ZNF687: variants seen among roughly 807,000 people sequenced by gnomAD.
ZNF687 encodes the protein zinc finger protein 687.
A neutral mutation model predicts 71.8 loss-of-function variants in ZNF687; 13 were observed. The observed-to-expected ratio is 0.18, with a 90% CI of 0.12 to 0.29. The LOEUF is 0.29. ZNF687 is among the 10% of genes least tolerant of loss of function. The probability of loss-of-function intolerance (pLI) is 1.00; values close to 1 mark genes in which losing one functional copy is unlikely to be tolerated. For missense variants in ZNF687, 1,412 were observed against 1,625.6 expected, an observed-to-expected ratio of 0.87 and a Z score of 2.26; for synonymous variants, 673 against 641.6, an observed-to-expected ratio of 1.05 and a Z score of -0.74.
chr1:151,287,574 G>T lies in ZNF687; in HGVS notation c.1283G>T (p.Gly428Val). Residue 428 changes from glycine (G) to valine (V), a missense_variant, in exon 2 of 9, where the codon GGG (glycine) becomes GTG (valine). Physicochemically the swap from Gly to Val is moderately radical, Grantham distance 109. Coordinates refer to ENST00000336715, the MANE Select transcript of ZNF687 (RefSeq NM_020832.3). This position sits in a 1 kb window ranked among gnomAD's most constrained non-coding sequence, Gnocchi z 5.0. ...GCTCGCAAGGCTGTGGTGCTGCCTG[G>T]GGGGACTGCCACCAGCCCTAAGATG... is the stretch of plus-strand genomic sequence containing the variant. ...SVARKAVVLP[G>V]GTATSPKMIA... 1 of 1,614,000 alleles carries T rather than the reference G, an allele frequency of 6.2e-7. No homozygotes were observed. Among genetic ancestry groups the T allele is most frequent in the East Asian group, 2.2e-5 (1 of 44,866 alleles).
chr1:151,289,521 C>T lies in ZNF687; in HGVS notation c.2615C>T (p.Thr872Ile). ...CCTCTGCTCTTTGCCCAAAAAAGGA[C>T]CATGCTGGAACATCTCAAGGTACAG... ...SCPLLFAQKR[T>I]MLEHLKNTHQ... The change falls in exon 5 of 9, where the codon ACC (threonine) becomes ATC (isoleucine). Residue 872 changes from threonine (T) to isoleucine (I), a missense_variant. Physicochemically the swap from Thr to Ile is moderately conservative, Grantham distance 89. Transcript: ENST00000336715. 1.2e-6 allele frequency: 2 copies of T among 1,614,094 alleles called. No homozygotes were observed. Among genetic ancestry groups the T allele is most frequent in the Non-Finnish European group, 1.7e-6 (2 of 1,180,046 alleles).
At chr1:151,283,409 G>A (rs1693810528) in intron 1 of ZNF687, 2 of 663,952 alleles carry the variant, frequency 3.0e-6, no homozygotes, top group African/African-American at 3.9e-5. Context: ...GAAAGGGGGC[G>A]GGGGAGATAG....
rs1315451668 is a variant in ZNF687 at position 151,290,902 on chromosome 1, A to G, written c.3407A>G (p.Gln1136Arg). The G allele has an allele frequency of 6.2e-7, 1 of 1,613,926 alleles. No homozygotes were observed. The highest frequency in any genetic ancestry group is 1.3e-5 in the African/African-American group (1 of 74,912). Residue 1136 changes from glutamine to arginine, a missense_variant, in exon 9 of 9, where the codon CAG becomes CGG. Around this residue, in one of 8 missense-constraint regions of ZNF687, gnomAD observed 284 missense variants for 359.2 expected, o/e 0.79. Transcript: ENST00000336715. Reference sequence around the variant, plus strand: ...TTGAGGGTGGAGGATGGTGCCCAGCAGTGCCTCGACTGTGGCTTGTGCTTT... The same window carrying G: ...TTGAGGGTGGAGGATGGTGCCCAGCGGTGCCTCGACTGTGGCTTGTGCTTT... ...MGLRVEDGAQ[Q>R]CLDCGLCFAS...
At chr1:151,283,647 G>A (rs1466736532) in intron 1 of ZNF687, among the ~76,000 whole-genome samples, 1 of 152,202 alleles carries the variant, frequency 6.6e-6, no homozygotes, top group East Asian at 1.9e-4. Flanking sequence ...CCACTTTTCT[G>A]AGTACCTGAG....
At chr1:151,290,332 G>A (rs748848156) in intron 7 of ZNF687, 98 bp downstream of exon 7, 1 of 1,609,792 alleles carries the variant, frequency 6.2e-7, no homozygotes, top group Non-Finnish European at 8.5e-7. Context: ...GTGGCCTGAT[G>A]GTTGGGGTCT....
Position 151,289,778 on chromosome 1 carries a change from A to T in ZNF687, c.2735A>T (p.Gln912Leu). 1 of 1,561,784 alleles carries T rather than the reference A, an allele frequency of 6.4e-7. No individual in the cohort carries two copies. Among genetic ancestry groups the T allele is most frequent in the Non-Finnish European group, 8.7e-7 (1 of 1,152,416 alleles). The change falls in exon 6 of 9, where the codon CAG becomes CTG. Residue 912 changes from glutamine (Q) to leucine (L), a missense_variant. Gln to Leu is a moderately radical substitution (Grantham distance 113). Around this residue, in one of 8 missense-constraint regions of ZNF687, gnomAD observed 135 missense variants for 104.1 expected, o/e 1.30. Transcript: ENST00000336715. ...GAGCCTGAGGAGCTGGCTGTTTCTC[A>T]GGGAGGGGCAGCCCCTGCTACTGAG... is the stretch of plus-strand genomic sequence containing the variant. ...KTEPEELAVS[Q>L]GGAAPATEES... is the part of the protein sequence containing the mutation.
In ZNF687 at chr1:151,287,135, C is replaced by CAGCCCTTGA; in HGVS notation, c.847_855dup (p.Pro283_Lys285dup). On this transcript the variant is annotated inframe_insertion, in exon 2 of 9. Coordinates refer to ENST00000336715, the MANE Select transcript of ZNF687 (RefSeq NM_020832.3). The surrounding 1 kb of genome is among the most constrained non-coding windows in gnomAD (Gnocchi z 5.0). The stretch of plus-strand genomic sequence containing the variant: ...TGCCTCCCCCAAAGTGCCCGTCTGT[C>CAGCCCTTGA]AGCCCTTGAAGGAAGAAGATGATGA... 1.2e-6 allele frequency: 2 copies of CAGCCCTTGA among 1,614,162 alleles called. No homozygotes were observed. Among genetic ancestry groups the CAGCCCTTGA allele is most frequent in the Non-Finnish European group, 1.7e-6 (2 of 1,180,016 alleles).
intron 1 of ZNF687, 55 bp downstream of exon 1, chr1:151,282,450 G>A (rs1052049573): frequency 2.0e-6 from 2 of 975,796 alleles, no homozygotes; most frequent in African/African-American, 3.5e-5. Flanking sequence ...TGGGGGGGGC[G>A]GGTAAATACC....
Position 151,291,219 on chromosome 1 carries a change from C to A in ZNF687, c.*10C>A. ...TGTTGGGGACAACTAGTCTCCAAGG[C>A]CTGGGACTGACCAGCCCCTTCCTCT... On this transcript the variant is annotated 3_prime_UTR_variant, in exon 9 of 9. Transcript: ENST00000336715. 6.3e-7 allele frequency: 1 copy of A among 1,598,250 alleles called. No homozygotes were observed. Among genetic ancestry groups the A allele is most frequent in the Non-Finnish European group, 8.5e-7 (1 of 1,170,302 alleles).
intron 1 of ZNF687, chr1:151,283,044 G>C: frequency 2.2e-6 from 2 of 924,384 alleles, no homozygotes; most frequent in South Asian, 1.0e-4. Flanking sequence ...GTCCCCAGGT[G>C]CTGCGCAGCA....
chr1:151,285,267 C>T (rs1255659317), intron 1 of ZNF687: 4 of 152,210 alleles, frequency 2.6e-5, no homozygotes, highest in Non-Finnish European at 5.9e-5. Context: ...TCCATGCGGA[C>T]ATGAATGAGT....
Position 151,289,728 on chromosome 1 carries a change from G to C in ZNF687, c.2685G>C (p.Gly895=). ...AGGAGACTGCTGGGAAAGGGGCCGG[G>C]GGTGCCCTGCTGACCCCCAAGACTG... ...RLEETAGKGA[G]GALLTPKTEP... Residue 895 remains glycine (G), a synonymous_variant, in exon 6 of 9, where the codon GGG becomes GGC. Coordinates refer to ENST00000336715, the MANE Select transcript of ZNF687 (RefSeq NM_020832.3). The C allele has an allele frequency of 6.4e-7, 1 of 1,560,154 alleles. No homozygotes were observed. The highest frequency in any genetic ancestry group is 1.2e-5 in the South Asian group (1 of 85,398).
chr1:151,286,552 G>T lies in ZNF687; in HGVS notation c.261G>T (p.Lys87Asn). 1 of 1,614,220 alleles carries T rather than the reference G, an allele frequency of 6.2e-7. No homozygotes were observed. The highest frequency in any genetic ancestry group is 8.5e-7 in the Non-Finnish European group (1 of 1,180,036). ...TTTCTGTAGTCAGTGTCATTGTCAA[G>T]AACACTGTGTGTCCCGAGCAGTCTG... ...PDISVVSVIV[K>N]NTVCPEQSEA... The change falls in exon 2 of 9, where the codon AAG becomes AAT. Residue 87 changes from lysine to asparagine, a missense_variant. Lys to Asn is a moderately conservative substitution (Grantham distance 94). Around this residue, in one of 8 missense-constraint regions of ZNF687, gnomAD observed 490 missense variants for 489.9 expected, o/e 1.00. Transcript: ENST00000336715.
rs777320654 is a variant in ZNF687 at position 151,287,453 on chromosome 1, G to A, written c.1162G>A (p.Val388Ile). The A allele has an allele frequency of 6.8e-6, 11 of 1,614,056 alleles. No homozygotes were observed. In the East Asian group the frequency reaches 1.1e-4, roughly 16 times the overall value. Residue 388 changes from valine (V) to isoleucine (I), a missense_variant, in exon 2 of 9, where the codon GTA becomes ATA. By Grantham distance (29) the Val-to-Ile change is conservative (BLOSUM62 3). Coordinates refer to ENST00000336715, the MANE Select transcript of ZNF687 (RefSeq NM_020832.3). The surrounding 1 kb of genome is among the most constrained non-coding windows in gnomAD (Gnocchi z 5.0). ...PTSEGPKVVS[V>I]QLGDGTRLKG... is the part of the protein sequence containing the mutation. ...TTCTGAGGGTCCAAAGGTGGTGAGC[G>A]TACAGTTGGGTGATGGTACAAGGCT...
intron 1 of ZNF687, chr1:151,284,345 A>T: frequency 2.3e-6 from 2 of 859,486 alleles, no homozygotes; most frequent in Non-Finnish European, 2.8e-6. Context: ...GGGGAGGGCC[A>T]GGCACTCTGG....
At position 151,290,230 on chromosome 1, in the gene ZNF687, T is replaced by C; in HGVS notation, c.3073T>C (p.Cys1025Arg). 6.2e-7 allele frequency: 1 copy of C among 1,613,936 alleles called. No homozygotes were observed. The part of the protein sequence containing the change: ...NHEGIKRVYP[C>R]RYCTEGKRTF... ...CGAGGGCATCAAGCGAGTTTACCCC[T>C]GCAGGTAAGTCTTGCTCCCCGCTTC... Residue 1025 changes from cysteine to arginine, a missense_variant, in exon 7 of 9, where the codon TGC becomes CGC. Around this residue, in one of 8 missense-constraint regions of ZNF687, gnomAD observed 284 missense variants for 359.2 expected, o/e 0.79. Transcript: ENST00000336715.
rs1340669134 is a variant in ZNF687 at position 151,291,533 on chromosome 1, T to A, written c.*324T>A. On this transcript the variant is annotated 3_prime_UTR_variant, in exon 9 of 9. Coordinates refer to ENST00000336715, the MANE Select transcript of ZNF687 (RefSeq NM_020832.3). ...ACTTAGGTATGCCTGCTAGACAGGT[T>A]CAGGGAAGGACTGATGGGGGTGTCA... 3.7e-6 allele frequency: 1 copy of A among 270,286 alleles called. No homozygotes were observed. Among genetic ancestry groups the A allele is most frequent in the Non-Finnish European group, 7.1e-6 (1 of 140,622 alleles). 16.7% of individuals were successfully genotyped at this position (270,286 alleles called of 1,614,324 possible).
upstream of ZNF687, chr1:151,282,242 C>T (rs1007777040): frequency 1.5e-5 from 15 of 1,022,404 alleles, no homozygotes; most frequent in Middle Eastern, 1.1e-3. Context: ...AACGGGCAGC[C>T]CAGACCTGGA....
chr1:151,287,259 G>C lies in ZNF687; in HGVS notation c.968G>C (p.Ser323Thr), dbSNP rs1485981213. Residue 323 changes from serine (S) to threonine (T), a missense_variant, in exon 2 of 9, where the codon AGC (serine) becomes ACC (threonine). This residue lies in a region of ZNF687 where 490 missense variants were observed against 489.9 expected (regional missense o/e 1.00). Coordinates refer to ENST00000336715, the MANE Select transcript of ZNF687 (RefSeq NM_020832.3). This position sits in a 1 kb window ranked among gnomAD's most constrained non-coding sequence, Gnocchi z 5.0. ...DEDSNDSPAS[S>T]SSRPLKVRIK... ...GACAGCAATGACTCCCCTGCCTCCA[G>C]CTCCTCTAGGCCTCTTAAGGTGCGG... is the stretch of plus-strand genomic sequence containing the variant. 1 of 1,614,178 alleles carries C rather than the reference G, an allele frequency of 6.2e-7. No individual in the cohort carries two copies. The highest frequency in any genetic ancestry group is 1.1e-5 in the South Asian group (1 of 91,082).
Sources: gnomAD v4.1 joint callset for allele counts (sites outside exome capture counted in the v4.1 genomes callset) on GRCh38, gnomAD v4.1.1 for gene constraint, gnomAD v4.1.1 regional missense constraint, Gnocchi (gnomAD v3.1) non-coding constraint, MANE v1.5 for transcripts, NCBI Gene and HGNC (gene_info 2026-07-23, HGNC 2026-07-21) for gene names.